Variants in STK3 observed in about 807,000 individuals in gnomAD.
The protein encoded by STK3 is serine/threonine kinase 3.
In STK3, 41 loss-of-function variants were observed where a neutral mutation model predicts 58.0. The ratio of observed to expected loss-of-function variants is 0.71; its 90% CI spans 0.55 to 0.92. The LOEUF is 0.92. Among genes scored for constraint, STK3 ranks in the 40% least tolerant of loss-of-function variants. The pLI is 0.00. For synonymous variants in STK3, 170 were observed against 191.0 expected, an observed-to-expected ratio of 0.89 and a Z score of 0.91; for missense variants, 479 against 602.7, an observed-to-expected ratio of 0.79 and a Z score of 2.15.
chr8:98,664,524 C>T (rs564544079), intron 6 of STK3, among the ~76,000 whole-genome samples: 3 of 152,162 alleles, frequency 2.0e-5, no homozygotes, highest in Admixed American at 6.5e-5. Flanking sequence ...AAATATTCTA[C>T]GTTTTAAGCA....
intron 6 of STK3, among the ~76,000 whole-genome samples, chr8:98,697,825 A>G (rs1473116156): frequency 1.3e-5 from 2 of 152,240 alleles, no homozygotes; most frequent in Non-Finnish European, 2.9e-5. Context: ...GGTGCTGAAA[A>G]GAATGTATAT....
chr8:98,635,000 A>C (rs1476874979), intron 6 of STK3, among the ~76,000 whole-genome samples: 1 of 152,092 alleles, frequency 6.6e-6, no homozygotes, highest in East Asian at 1.9e-4. Context: ...TTGTCTCCTA[A>C]ATCAAGGAGC....
intron 3 of STK3, among the ~76,000 whole-genome samples, chr8:98,763,374 T>G (rs1395990484): frequency 6.6e-6 from 1 of 152,230 alleles, no homozygotes; most frequent in Non-Finnish European, 1.5e-5. Context: ...AATATTCACT[T>G]AAAATGAACA....
chr8:98,362,794 A>G, the STK3 span, among the ~76,000 whole-genome samples: 1 of 152,200 alleles, frequency 6.6e-6, no homozygotes, highest in South Asian at 2.1e-4. Context: ...TGTGCAGAAG[A>G]GGCCGCTCCC....
At chr8:98,927,566 T>C (rs1839847501) in intron 1 of STK3, among the ~76,000 whole-genome samples, 1 of 152,248 alleles carries the variant, frequency 6.6e-6, no homozygotes. Context: ...TTAATTATCA[T>C]ATAATTTGAT....
chr8:98,428,001 G>T lies in STK3; in HGVS notation n.483+6126C>A, dbSNP rs1024886858. 3 of 1,572,506 alleles carry T rather than the reference G, an allele frequency of 1.9e-6. No homozygotes were observed. In the African/African-American group the frequency reaches 4.1e-5, roughly 21 times the overall value. ...CAGCATGACCGGCCAGAGCCTGTGGGACGTGTCGGAGGCTAACGTCGAGGA... is the reference window on the plus strand; with the variant it reads ...CAGCATGACCGGCCAGAGCCTGTGGTACGTGTCGGAGGCTAACGTCGAGGA... On this transcript the variant is annotated intron_variant and non_coding_transcript_variant, in intron 3 of 3. Coordinates refer to the STK3 transcript ENST00000517832. The surrounding 1 kb of genome is among the most constrained non-coding windows in gnomAD (Gnocchi z 6.7).
At position 98,831,287 on chromosome 8, in the gene STK3, A is replaced by T. The variant is rs530629375; in HGVS notation, c.110+52360T>A. Among the ~76,000 whole-genome samples, 3 of 152,234 alleles carry T rather than the reference A, an allele frequency of 2.0e-5. No homozygotes were observed. The South Asian group carries it at 6.2e-4, about 32-fold the overall frequency. On this transcript the variant is annotated intron_variant, in intron 3 of 12. Coordinates refer to the STK3 transcript ENST00000523601. The stretch of plus-strand genomic sequence containing the variant: ...CTATTCATTGAAACTACAACTTTGT[A>T]TTTCTCTTAGGCTGGAGTGTAGTGA...
chr8:98,871,437 A>T (rs978426897), intron 3 of STK3, among the ~76,000 whole-genome samples: 134 of 152,030 alleles, frequency 8.8e-4, no homozygotes, highest in Non-Finnish European at 2.6e-4. Flanking sequence ...CTTGGGCAGT[A>T]TGGCCATTTT....
chr8:98,937,804 C>T (rs1300852581), intron 1 of STK3, among the ~76,000 whole-genome samples: 1 of 152,240 alleles, frequency 6.6e-6, no homozygotes, highest in African/African-American at 2.4e-5. Flanking sequence ...GGATATACTA[C>T]ATTTTCCTTT....
At chr8:98,353,327 A>G in the STK3 span, among the ~76,000 whole-genome samples, 1 of 152,058 alleles carries the variant, frequency 6.6e-6, no homozygotes, top group Non-Finnish European at 1.5e-5. Context: ...AACAAAAACA[A>G]AAAAGAAAGA....
rs999301245 is a variant in STK3, at chr8:98,915,396, C to T, written c.-79+26982G>A. ...GCCTGCAGACGGCTTACTGTGGGAC[C>T]TTGTGATCATGTGAGTTAATACTTA... On this transcript the variant is annotated intron_variant, in intron 1 of 1. Coordinates refer to the STK3 transcript ENST00000519420. Among the ~76,000 whole-genome samples, 5 of 137,598 alleles carry T rather than the reference C, an allele frequency of 3.6e-5. No homozygotes were observed. In the East Asian group the frequency reaches 1.1e-3, roughly 31 times the overall value. 90.3% of individuals were successfully genotyped at this position (137,598 alleles called of 152,430 possible).
At chr8:98,670,181 C>T (rs891514858) in intron 6 of STK3, among the ~76,000 whole-genome samples, 2 of 152,102 alleles carry the variant, frequency 1.3e-5, no homozygotes, top group Non-Finnish European at 2.9e-5. Flanking sequence ...CCAGCCTGGG[C>T]AACATGGTGA....
intron 1 of STK3, among the ~76,000 whole-genome samples, chr8:98,778,644 T>C (rs953074270): frequency 2.0e-5 from 3 of 151,962 alleles, no homozygotes; most frequent in African/African-American, 4.8e-5. Context: ...TGTCCAACAA[T>C]GATAGACTGG....
intron 6 of STK3, among the ~76,000 whole-genome samples, chr8:98,683,705 T>C (rs1002184360): frequency 2.6e-5 from 4 of 152,128 alleles, no homozygotes; most frequent in African/African-American, 9.6e-5. Context: ...TAACAATAAT[T>C]AGACTTATCT....
At chr8:98,544,649 AACACACACACACACACACACACAC>A (rs59159370) in intron 9 of STK3, among the ~76,000 whole-genome samples, 10 of 137,522 alleles carry the variant, frequency 7.3e-5, no homozygotes, top group African/African-American at 2.4e-4. Context: ...ATTCTACTAT[AACACACACACACACACACACACAC>A]ACACACACAC....
At chr8:98,856,860 T>C (rs1018149519) in intron 3 of STK3, among the ~76,000 whole-genome samples, 2 of 152,216 alleles carry the variant, frequency 1.3e-5, no homozygotes, top group African/African-American at 4.8e-5. Context: ...TGTAATTAAA[T>C]GTTACTGGGC....
At chr8:98,414,018 C>A (rs1435349829) in intron 3 of STK3, among the ~76,000 whole-genome samples, 5 of 152,238 alleles carry the variant, frequency 3.3e-5, no homozygotes, top group Admixed American at 6.5e-5. Flanking sequence ...AATCCCCACA[C>A]TTTGGGAGGC....
intron 6 of STK3, among the ~76,000 whole-genome samples, chr8:98,691,648 C>T (rs139545877): frequency 6.6e-6 from 1 of 152,022 alleles, no homozygotes; most frequent in Non-Finnish European, 1.5e-5. Context: ...ATGGGCAAAG[C>T]AGCACCGGGC....
chr8:98,614,770 C>T (rs1223889532), intron 6 of STK3, among the ~76,000 whole-genome samples: 1 of 152,190 alleles, frequency 6.6e-6, no homozygotes, highest in African/African-American at 2.4e-5. Context: ...AAACGGCGCA[C>T]CACGAGACTA....
Sources: allele counts gnomAD v4.1 joint callset (sites outside exome capture counted in the v4.1 genomes callset), GRCh38; gene constraint gnomAD v4.1.1; non-coding constraint Gnocchi (gnomAD v3.1); transcripts MANE v1.5; gene names NCBI Gene and HGNC (gene_info 2026-07-23, HGNC 2026-07-21).